MCF2L: variants seen among roughly 807,000 people sequenced by gnomAD.
The protein encoded by MCF2L is guanine nucleotide exchange factor DBS.
In MCF2L, 97 loss-of-function variants were observed where a neutral mutation model predicts 153.4. The ratio of observed to expected loss-of-function variants is 0.63; its 90% CI spans 0.54 to 0.75. MCF2L has a LOEUF of 0.75. MCF2L is among the 30% of genes least tolerant of loss of function. The pLI, the probability that MCF2L is intolerant of heterozygous loss-of-function variation, is 0.00. For synonymous variants in MCF2L, 659 were observed against 632.2 expected (o/e 1.04, Z -0.64); for missense variants, 1,347 against 1,495.2 (o/e 0.90, Z 1.64).
rs570365841 is a variant in MCF2L at position 113,045,634 on chromosome 13, C to T, written c.369+273C>T. On this transcript the variant is annotated intron_variant, in intron 4 of 29. Transcript: ENST00000535094. This position sits in a 1 kb window ranked among gnomAD's most constrained non-coding sequence, Gnocchi z 4.2. ...CCAGGCAGAGCAGCCCATATGTTTC[C>T]GAACACCAAGTCTGAGATGCTCGGG... The T allele has an allele frequency of 1.8e-4, 92 of 516,442 alleles. 1 individual carries two copies. Among genetic ancestry groups the T allele is most frequent in the South Asian group, 1.7e-3 (62 of 36,790 alleles). 32.0% of individuals were successfully genotyped at this position (516,442 alleles called of 1,614,324 possible). A position where few individuals can be genotyped will look rare whatever the true frequency, so the allele number is the denominator to read the frequency against.
chr13:113,074,697 G>C lies in MCF2L; in HGVS notation c.1116+134G>C. The C allele has an allele frequency of 7.5e-7, 1 of 1,330,022 alleles. No individual in the cohort carries two copies. The highest frequency in any genetic ancestry group is 1.4e-5 in the South Asian group (1 of 71,620). 82.4% of individuals were successfully genotyped at this position (1,330,022 alleles called of 1,614,324 possible). A position where few individuals can be genotyped will look rare whatever the true frequency, so the allele number is the denominator to read the frequency against. On this transcript the variant is annotated intron_variant, in intron 10 of 29. Transcript: ENST00000535094. The surrounding 1 kb of genome is among the most constrained non-coding windows in gnomAD (Gnocchi z 4.2). ...AGCCCCCCGGGGATGTCCATGGGGT[G>C]GGGGGTGCTGCTGCCTGTACCCCTC...
At chr13:113,082,808 G>A (rs369243008) in intron 17 of MCF2L, among the ~76,000 whole-genome samples, 18 of 152,282 alleles carry the variant, frequency 1.2e-4, no homozygotes, top group African/African-American at 3.4e-4. Flanking sequence ...CTCTGAGCCC[G>A]AGTGCGCCCT....
At chr13:113,086,040 C>T (rs1566871570) in intron 20 of MCF2L, 84 bp from the exon 21 acceptor site, 13 of 1,441,314 alleles carry the variant, frequency 9.0e-6, no homozygotes, top group South Asian at 2.8e-5. Context: ...ATCCCTACCT[C>T]GTGCCAAGCT....
intron 12 of MCF2L, 103 bp from the exon 13 acceptor site, chr13:113,076,949 A>T: frequency 7.9e-7 from 1 of 1,262,726 alleles, no homozygotes; most frequent in Non-Finnish European, 1.1e-6. Context: ...GAGAACATTT[A>T]AAGCGGGGGT....
At chr13:113,065,983 C>G in intron 7 of MCF2L, 63 bp from the exon 8 acceptor site, 1 of 1,556,440 alleles carries the variant, frequency 6.4e-7, no homozygotes, top group South Asian at 1.2e-5. Flanking sequence ...CACGAGGCCT[C>G]ACCACCAGCC....
intron 2 of MCF2L, among the ~76,000 whole-genome samples, chr13:112,955,660 AC>A (rs886324445): frequency 2.0e-5 from 3 of 152,068 alleles, no homozygotes; most frequent in Admixed American, 6.6e-5. Flanking sequence ...CAAACTCTGA[AC>A]CCCTTTGCCA....
chr13:112,917,459 C>T (rs188082347), intron 2 of MCF2L: 20 of 324,772 alleles, frequency 6.2e-5, no homozygotes, highest in East Asian at 1.6e-4. Flanking sequence ...TTTGAGGTCG[C>T]GCTGCCTCTG....
At position 113,070,559 on chromosome 13, in the gene MCF2L, C is replaced by T. The variant is rs569289539; in HGVS notation, c.996+386C>T. On this transcript the variant is annotated intron_variant, in intron 9 of 29. Transcript: ENST00000535094. This position sits in a 1 kb window ranked among gnomAD's most constrained non-coding sequence, Gnocchi z 5.6. ...GGCGTCACAGTCATGAGGTGCACAG[C>T]GACACGGCCAGTGCAGCCAGACCCA... Among the ~76,000 whole-genome samples the T allele has an allele frequency of 1.3e-5, 2 of 152,278 alleles. No homozygotes were observed. Among genetic ancestry groups the T allele is most frequent in the South Asian group, 4.2e-4 (2 of 4,816 alleles).
intron 8 of MCF2L, among the ~76,000 whole-genome samples, chr13:113,066,838 G>A (rs945250758): frequency 6.6e-6 from 1 of 152,182 alleles, no homozygotes; most frequent in Non-Finnish European, 1.5e-5. Flanking sequence ...ACAGCGGCTT[G>A]TCCGGCAGGG....
chr13:113,059,401 C>T (rs906003883), intron 4 of MCF2L, among the ~76,000 whole-genome samples: 2 of 152,236 alleles, frequency 1.3e-5, no homozygotes, highest in African/African-American at 4.8e-5. Context: ...GTCGGTCACT[C>T]CTCCTCTAGT....
chr13:112,968,069 G>A (rs2993272), upstream of MCF2L: 92,665 of 203,300 alleles, frequency 0.46, 22,226 homozygotes, highest in South Asian at 0.52. Flanking sequence ...CAAACCATTC[G>A]TGGAAATGTG....
chr13:113,011,184 T>C (rs1443133898), intron 1 of MCF2L, among the ~76,000 whole-genome samples: 1 of 152,206 alleles, frequency 6.6e-6, no homozygotes, highest in Non-Finnish European at 1.5e-5. Context: ...CACAGGCCTC[T>C]TCAGGTTCAC....
At chr13:113,082,375 C>A in intron 16 of MCF2L, 52 bp from the exon 17 acceptor site, 1 of 1,085,398 alleles carries the variant, frequency 9.2e-7, no homozygotes, top group Non-Finnish European at 1.4e-6. Flanking sequence ...CCACCTGCCC[C>A]CCCACAGCAT....
At chr13:113,013,289 G>A (rs767562707) in intron 1 of MCF2L, among the ~76,000 whole-genome samples, 41 of 152,310 alleles carry the variant, frequency 2.7e-4, no homozygotes, top group African/African-American at 4.6e-4. Flanking sequence ...ACGTGGTTGC[G>A]TACTGGGAAT....
intron 2 of MCF2L, chr13:112,957,887 C>G (rs2081778220): frequency 6.6e-6 from 1 of 152,140 alleles, no homozygotes; most frequent in Non-Finnish European, 1.5e-5. Context: ...AATTTTATCA[C>G]TTAGTTTTTA....
chr13:112,990,777 G>C (rs2082866502), intron 1 of MCF2L, among the ~76,000 whole-genome samples: 1 of 152,188 alleles, frequency 6.6e-6, no homozygotes, highest in Non-Finnish European at 1.5e-5. Context: ...TCTGTGCCAG[G>C]CCAGGCCAGG....
At position 113,054,559 on chromosome 13, in the gene MCF2L, G is replaced by A. The variant is rs372929716; in HGVS notation, c.370-6034G>A. On this transcript the variant is annotated intron_variant, in intron 4 of 29. Transcript: ENST00000535094. The surrounding 1 kb of genome is among the most constrained non-coding windows in gnomAD (Gnocchi z 5.2). ...AAATGCATATTTTTTATATAAACTT[G>A]TGTTTACTGTTTGGCTACTGTCAGA... 6.5e-6 allele frequency: 1 copy of A among 153,562 alleles called. No individual in the cohort carries two copies. The highest frequency in any genetic ancestry group is 2.4e-5 in the African/African-American group (1 of 41,446). The allele number at this position is 153,562 out of a possible 1,614,324, so 9.5% of individuals were successfully genotyped here. A position where few individuals can be genotyped will look rare whatever the true frequency, so the allele number is the denominator to read the frequency against.
Position 113,082,512 on chromosome 13 carries a change from A to G in MCF2L, c.1961A>G (p.Asn654Ser). The change falls in exon 17 of 30, where the codon AAC (asparagine) becomes AGC (serine). Residue 654 changes from asparagine (N) to serine (S), a missense_variant. This residue lies in a region of MCF2L where 820 missense variants were observed against 921.2 expected (regional missense o/e 0.89). Transcript: ENST00000535094. Reference sequence around the variant, plus strand: ...AACAAGAAGGATGTTTTGTTTGGAAACATGGAGGAAATCTATCACTTCCAC... The same window carrying G: ...AACAAGAAGGATGTTTTGTTTGGAAGCATGGAGGAAATCTATCACTTCCAC... ...LHNKKDVLFG[N>S]MEEIYHFHNR... 1 of 1,613,758 alleles carries G rather than the reference A, an allele frequency of 6.2e-7. No individual in the cohort carries two copies. The highest frequency in any genetic ancestry group is 8.5e-7 in the Non-Finnish European group (1 of 1,179,700).
intron 7 of MCF2L, among the ~76,000 whole-genome samples, chr13:113,065,690 GT>G (rs1191407786): frequency 2.0e-5 from 3 of 152,254 alleles, no homozygotes; most frequent in Non-Finnish European, 4.4e-5. Context: ...CTGCTGGTGT[GT>G]CCCCGAGGAC....
Sources: gnomAD v4.1 joint callset for allele counts (sites outside exome capture counted in the v4.1 genomes callset) on GRCh38, gnomAD v4.1.1 for gene constraint, gnomAD v4.1.1 regional missense constraint, Gnocchi (gnomAD v3.1) non-coding constraint, MANE v1.5 for transcripts, NCBI Gene and HGNC (gene_info 2026-07-23, HGNC 2026-07-21) for gene names.